ZNF385D: variants seen among roughly 807,000 people sequenced by gnomAD.
ZNF385D encodes the protein zinc finger protein 659.
Under a neutral mutation model 35.8 loss-of-function variants are expected in ZNF385D, and 15 were observed. The observed-to-expected ratio is 0.42, with a 90% CI of 0.28 to 0.64. ZNF385D has a LOEUF of 0.64. ZNF385D is among the 30% of genes least tolerant of loss of function. The probability of loss-of-function intolerance (pLI) is 0.23; values close to 1 mark genes in which losing one functional copy is unlikely to be tolerated. For synonymous variants in ZNF385D, 212 were observed against 186.8 expected, an observed-to-expected ratio of 1.13 and a Z score of -1.10; for missense variants, 474 against 494.6, an observed-to-expected ratio of 0.96 and a Z score of 0.39.
chr3:22,350,216 A>G (rs537438450), intron 2 of ZNF385D, among the ~76,000 whole-genome samples: 1 of 152,282 alleles, frequency 6.6e-6, no homozygotes, highest in South Asian at 2.1e-4. Flanking sequence ...ACATGTTAAT[A>G]TTAGTTGCTT....
intron 1 of ZNF385D, among the ~76,000 whole-genome samples, chr3:21,695,396 G>A (rs1476303905): frequency 6.6e-6 from 1 of 152,158 alleles, no homozygotes; most frequent in Non-Finnish European, 1.5e-5. Context: ...AGCCTGGTTT[G>A]CAAAATGTGT....
chr3:22,267,464 A>G (rs149522035), intron 2 of ZNF385D, among the ~76,000 whole-genome samples: 33 of 152,004 alleles, frequency 2.2e-4, no homozygotes, highest in South Asian at 8.3e-4. Context: ...CAGCAATTAT[A>G]TTTTTATTAT....
rs1002779409 is a variant in ZNF385D at position 21,554,962 on chromosome 3, C to A, written c.276+9612G>T. ...TTTCTATTCAAACCACTAGCACTTT[C>A]TCCATATCAAACATAAGGCTCTTTT... is the stretch of plus-strand genomic sequence containing the variant. On this transcript the variant is annotated intron_variant, in intron 3 of 7. Coordinates refer to ENST00000281523, the MANE Select transcript of ZNF385D (RefSeq NM_024697.3). Among the ~76,000 whole-genome samples the A allele has an allele frequency of 2.6e-5, 4 of 152,182 alleles. 1 individual carries two copies. Among genetic ancestry groups the A allele is most frequent in the Admixed American group, 2.6e-4 (4 of 15,274 alleles).
intron 2 of ZNF385D, among the ~76,000 whole-genome samples, chr3:21,565,803 G>A (rs983510083): frequency 6.6e-6 from 1 of 152,120 alleles, no homozygotes; most frequent in South Asian, 2.1e-4. Flanking sequence ...TTATAAGTAA[G>A]TCTTCATAAT....
At chr3:22,098,121 T>C (rs767300198) in intron 3 of ZNF385D, among the ~76,000 whole-genome samples, 6 of 152,052 alleles carry the variant, frequency 3.9e-5, no homozygotes, top group Non-Finnish European at 5.9e-5. Flanking sequence ...AAAACATGAC[T>C]GAAATAGAAT....
intron 3 of ZNF385D, among the ~76,000 whole-genome samples, chr3:22,134,941 TTA>T (rs1704018448): frequency 6.6e-6 from 1 of 152,208 alleles, no homozygotes; most frequent in Non-Finnish European, 1.5e-5. Context: ...ACGTAGAAGA[TTA>T]TGTTTCCAGT....
intron 3 of ZNF385D, among the ~76,000 whole-genome samples, chr3:22,029,968 A>C (rs1697830195): frequency 6.6e-6 from 1 of 151,840 alleles, no homozygotes; most frequent in Non-Finnish European, 1.5e-5. Flanking sequence ...AAGGAGATTA[A>C]CATTTGAGTC....
At chr3:22,136,859 A>C (rs1704156264) in intron 3 of ZNF385D, among the ~76,000 whole-genome samples, 1 of 152,202 alleles carries the variant, frequency 6.6e-6, no homozygotes, top group Non-Finnish European at 1.5e-5. Context: ...GTAGAATTCC[A>C]ACTATGTGAC....
chr3:21,450,839 C>G (rs1702412854), intron 4 of ZNF385D, among the ~76,000 whole-genome samples: 1 of 152,052 alleles, frequency 6.6e-6, no homozygotes, highest in Admixed American at 6.6e-5. Flanking sequence ...CAGAAAAATT[C>G]CACTATGATC....
intron 3 of ZNF385D, among the ~76,000 whole-genome samples, chr3:21,920,880 A>G (rs1451629270): frequency 6.6e-6 from 1 of 152,102 alleles, no homozygotes; most frequent in Non-Finnish European, 1.5e-5. Context: ...TTTACAAAAT[A>G]CATTAAAATA....
Position 21,730,830 on chromosome 3 carries a change from T to G in ZNF385D, c.22+20065A>C, listed in dbSNP as rs141426257. Among the ~76,000 whole-genome samples, 262 of 150,916 alleles carry G rather than the reference T, an allele frequency of 1.7e-3. 2 individuals are homozygous for G. Among genetic ancestry groups the G allele is most frequent in the East Asian group, 0.01 (51 of 5,080 alleles). On this transcript the variant is annotated intron_variant, in intron 1 of 7. Coordinates refer to ENST00000281523, the MANE Select transcript of ZNF385D (RefSeq NM_024697.3). ...CATTATTTGCTGTTATAGTGTAGAT[T>G]TCTTCCCACATCACAAAATACAGAT...
intron 3 of ZNF385D, among the ~76,000 whole-genome samples, chr3:22,016,371 C>T (rs899455243): frequency 6.6e-6 from 1 of 152,096 alleles, no homozygotes; most frequent in African/African-American, 2.4e-5. Context: ...AACCTTGACC[C>T]AGATGCTATA....
chr3:21,885,861 A>G (rs1698520802), intron 3 of ZNF385D, among the ~76,000 whole-genome samples: 1 of 151,886 alleles, frequency 6.6e-6, no homozygotes, highest in South Asian at 2.1e-4. Flanking sequence ...TGCAGGAGTT[A>G]CAGTTATAGT....
chr3:21,707,129 A>C (rs967647896), intron 1 of ZNF385D, among the ~76,000 whole-genome samples: 2 of 152,202 alleles, frequency 1.3e-5, no homozygotes, highest in Non-Finnish European at 2.9e-5. Context: ...CAAGCTGATG[A>C]AATGAATCAC....
At chr3:21,779,367 A>AAT (rs56151542) in intron 3 of ZNF385D, among the ~76,000 whole-genome samples, 22 of 151,430 alleles carry the variant, frequency 1.5e-4, no homozygotes, top group East Asian at 3.9e-4. Context: ...GTGGAAAGAT[A>AAT]ATATATATAT....
chr3:21,658,039 A>G (rs1264819461), intron 2 of ZNF385D, among the ~76,000 whole-genome samples: 1 of 151,952 alleles, frequency 6.6e-6, no homozygotes, highest in African/African-American at 2.4e-5. Flanking sequence ...AAAAACGTGA[A>G]ATTTTCTGTC....
intron 3 of ZNF385D, among the ~76,000 whole-genome samples, chr3:22,139,586 AG>A (rs1704368967): frequency 7.0e-6 from 1 of 142,334 alleles, no homozygotes; most frequent in Admixed American, 7.0e-5. Flanking sequence ...GGACACAGGA[AG>A]GGGAACATCA....
Position 22,348,485 on chromosome 3 carries a change from T to TAAAAAAAAAAAAAA in ZNF385D, c.106+23951_106+23964dup, listed in dbSNP as rs1168729541. ...CAACATGGAGAAACTCCATCTCTAC[T>TAAAAAAAAAAAAAA]AAAAAAAAAAAAAAAAAAAAAATAC... On this transcript the variant is annotated intron_variant, in intron 2 of 5. Transcript: ENST00000494108. Among the ~76,000 whole-genome samples the TAAAAAAAAAAAAAA allele has an allele frequency of 7.8e-4, 66 of 84,852 alleles. 1 individual carries two copies. The highest frequency in any genetic ancestry group is 3.0e-3 in the African/African-American group (52 of 17,574). The allele number at this position is 84,852 out of a possible 152,430, so 55.7% of individuals were successfully genotyped here.
intron 3 of ZNF385D, among the ~76,000 whole-genome samples, chr3:21,789,049 G>GA (rs886642232): frequency 4.0e-5 from 6 of 150,370 alleles, no homozygotes; most frequent in South Asian, 2.1e-4. Context: ...CCATAAGCAA[G>GA]AAAAAAAAAT....
Sources: gnomAD v4.1 joint callset for allele counts (sites outside exome capture counted in the v4.1 genomes callset) on GRCh38, gnomAD v4.1.1 for gene constraint, MANE v1.5 for transcripts, NCBI Gene and HGNC (gene_info 2026-07-23, HGNC 2026-07-21) for gene names.